The following PACC1 variants were observed in gnomAD, a reference collection of about 807,000 sequenced individuals.
PACC1 encodes proton-activated chloride channel.
A neutral mutation model predicts 39.7 loss-of-function variants in PACC1; 34 were observed. That is an observed-to-expected ratio of 0.86 (90% confidence interval 0.65 to 1.14). The LOEUF (loss-of-function observed/expected upper bound fraction) is 1.14, where lower values mean the gene tolerates loss of function less well. Among genes scored for constraint, PACC1 ranks in the 50% most tolerant of loss-of-function variants. The pLI is 0.00. For synonymous variants in PACC1, 127 were observed against 160.6 expected, an observed-to-expected ratio of 0.79 and a Z score of 1.58; for missense variants, 379 against 436.4, an observed-to-expected ratio of 0.87 and a Z score of 1.17.
chr1:212,368,351 G>A (rs1177247034), intron 7 of PACC1, among the ~76,000 whole-genome samples: 1 of 152,076 alleles, frequency 6.6e-6, no homozygotes, highest in Non-Finnish European at 1.5e-5. Context: ...ACAAGCACCA[G>A]AAAAGTTCAG....
chr1:212,385,504 A>G, intron 3 of PACC1, 79 bp from the exon 4 acceptor site: 1 of 1,480,028 alleles, frequency 6.8e-7, no homozygotes, highest in Non-Finnish European at 9.4e-7. Flanking sequence ...ACACCTACCA[A>G]CAACCTACGT....
At chr1:212,400,633 T>G (rs983597532) in intron 2 of PACC1, among the ~76,000 whole-genome samples, 1 of 151,682 alleles carries the variant, frequency 6.6e-6, no homozygotes, top group Non-Finnish European at 1.5e-5. Flanking sequence ...AAAAAAACAG[T>G]GCTGGTTATT....
chr1:212,397,631 T>G (rs1476845127), intron 2 of PACC1, among the ~76,000 whole-genome samples: 1 of 152,166 alleles, frequency 6.6e-6, no homozygotes, highest in East Asian at 1.9e-4. Context: ...CAGGGAGATA[T>G]CAAATGGAGG....
chr1:212,391,328 CAG>C (rs1661311290), intron 2 of PACC1, among the ~76,000 whole-genome samples: 3 of 152,224 alleles, frequency 2.0e-5, no homozygotes, highest in Admixed American at 1.3e-4. Context: ...CCCAGGCAAA[CAG>C]GGTCTGGAGT....
At chr1:212,409,580 T>C (rs1662048388) in intron 2 of PACC1, among the ~76,000 whole-genome samples, 1 of 152,106 alleles carries the variant, frequency 6.6e-6, no homozygotes, top group Admixed American at 6.5e-5. Flanking sequence ...GGTAGTACCA[T>C]TCCTGCAAAC....
chr1:212,399,894 G>C (rs1216620571), intron 2 of PACC1, among the ~76,000 whole-genome samples: 12 of 151,628 alleles, frequency 7.9e-5, no homozygotes, highest in Admixed American at 7.9e-4. Flanking sequence ...GCCCAAGCTA[G>C]AGTGCAATGG....
chr1:212,377,151 G>A (rs1192022629), intron 6 of PACC1, among the ~76,000 whole-genome samples: 1 of 152,172 alleles, frequency 6.6e-6, no homozygotes, highest in Non-Finnish European at 1.5e-5. Context: ...GAGAGCTGAA[G>A]AGGACCTTAG....
chr1:212,385,738 A>G (rs1359285919), intron 3 of PACC1, among the ~76,000 whole-genome samples: 2 of 152,152 alleles, frequency 1.3e-5, no homozygotes, highest in African/African-American at 4.8e-5. Flanking sequence ...CTCTTGACTC[A>G]GCCCCTGTGC....
chr1:212,368,937 T>C (rs973968486), intron 7 of PACC1, among the ~76,000 whole-genome samples: 1 of 148,896 alleles, frequency 6.7e-6, no homozygotes, highest in African/African-American at 2.5e-5. Context: ...GAGGCTGAGG[T>C]AGGAGAATGG....
rs944662433 is a variant in PACC1, at chr1:212,365,051, C to T, written c.*164G>A. On this transcript the variant is annotated 3_prime_UTR_variant, in exon 8 of 8. Coordinates refer to ENST00000261455, the MANE Select transcript of PACC1 (RefSeq NM_018252.3). ...TCTCTTCTATTAGGCTCTACACCGC[C>T]TCTTTTGGGACGGGGTTAGAAGTTC... 1.8e-5 allele frequency: 10 copies of T among 546,336 alleles called. No individual in the cohort carries two copies. The Admixed American group carries it at 2.5e-4, about 14-fold the overall frequency. 33.8% of individuals were successfully genotyped at this position (546,336 alleles called of 1,614,324 possible).
chr1:212,406,674 C>T (rs1661931040), intron 2 of PACC1, among the ~76,000 whole-genome samples: 1 of 152,198 alleles, frequency 6.6e-6, no homozygotes, highest in Non-Finnish European at 1.5e-5. Flanking sequence ...CTGGTTCCCC[C>T]AAAGCAACTG....
chr1:212,365,459 T>C, intron 7 of PACC1, 83 bp from the exon 8 acceptor site: 3 of 1,378,220 alleles, frequency 2.2e-6, no homozygotes, highest in South Asian at 3.0e-5. Flanking sequence ...GAGATGGAGT[T>C]TCGCTCTTGT....
chr1:212,388,065 A>AG (rs918613723), intron 2 of PACC1, among the ~76,000 whole-genome samples: 6 of 151,442 alleles, frequency 4.0e-5, no homozygotes, highest in Non-Finnish European at 4.4e-5. Flanking sequence ...AAAAAAAAAA[A>AG]AAAAAGAAAA....
intron 6 of PACC1, 108 bp from the exon 7 acceptor site, chr1:212,375,408 C>T: frequency 1.4e-6 from 1 of 725,854 alleles, no homozygotes; most frequent in Non-Finnish European, 2.4e-6. Flanking sequence ...CTGTGGTTCT[C>T]CTCACACTAT....
In PACC1 at chr1:212,375,098, AG is replaced by A. The variant is rs1168149302; in HGVS notation, c.891+94del. On this transcript the variant is annotated intron_variant, in intron 7 of 7. Transcript: ENST00000261455. Reference sequence around the variant, plus strand: ...CTACAAGAATGAGCCAAAAGACTTCAGGGCAGCATCATAATCTTAAATAATA... The same window carrying A: ...CTACAAGAATGAGCCAAAAGACTTCAGGCAGCATCATAATCTTAAATAATA... 121 of 1,006,430 alleles carry A rather than the reference AG, an allele frequency of 1.2e-4. No individual in the cohort carries two copies. The South Asian group carries it at 1.3e-3, about 11-fold the overall frequency. 62.3% of individuals were successfully genotyped at this position (1,006,430 alleles called of 1,614,324 possible).
At chr1:212,390,565 G>A (rs570953890) in intron 2 of PACC1, among the ~76,000 whole-genome samples, 37 of 151,932 alleles carry the variant, frequency 2.4e-4, no homozygotes, top group African/African-American at 8.2e-4. Flanking sequence ...TACTGGGTTC[G>A]TATCACTGGG....
chr1:212,392,022 G>T (rs897970218), intron 2 of PACC1, among the ~76,000 whole-genome samples: 28 of 152,306 alleles, frequency 1.8e-4, no homozygotes, highest in African/African-American at 6.5e-4. Flanking sequence ...ACACTCTGCA[G>T]GATATTATCC....
intron 2 of PACC1, among the ~76,000 whole-genome samples, chr1:212,389,586 A>G (rs765139008): frequency 1.6e-4 from 24 of 152,254 alleles, no homozygotes; most frequent in South Asian, 1.0e-3. Flanking sequence ...AGCAATCTAT[A>G]GAAACCAACA....
At chr1:212,405,820 G>A (rs914722115) in intron 2 of PACC1, among the ~76,000 whole-genome samples, 1 of 152,098 alleles carries the variant, frequency 6.6e-6, no homozygotes, top group Non-Finnish European at 1.5e-5. Context: ...CAGAGTGGCT[G>A]TGAAGATTAC....
Sources: allele counts gnomAD v4.1 joint callset (sites outside exome capture counted in the v4.1 genomes callset), GRCh38; gene constraint gnomAD v4.1.1; transcripts MANE v1.5; gene names NCBI Gene and HGNC (gene_info 2026-07-23, HGNC 2026-07-21).